The following ADAM10 variants were observed in gnomAD, a reference collection of about 807,000 sequenced individuals.
The protein encoded by ADAM10 is ADAM metallopeptidase domain 10.
In ADAM10, 17 loss-of-function variants were observed where a neutral mutation model predicts 90.1. That is an observed-to-expected ratio of 0.19 (90% confidence interval 0.13 to 0.28). The LOEUF (loss-of-function observed/expected upper bound fraction) is 0.28, where lower values mean the gene tolerates loss of function less well. Among genes scored for constraint, ADAM10 ranks in the 10% least tolerant of loss-of-function variants. ADAM10 has a pLI of 1.00. For synonymous variants in ADAM10, 310 were observed against 298.6 expected (o/e 1.04, Z -0.40); for missense variants, 610 against 914.3 (o/e 0.67, Z 4.29).
At chr15:58,714,127 T>G (rs528436647) in intron 2 of ADAM10, among the ~76,000 whole-genome samples, 3 of 152,118 alleles carry the variant, frequency 2.0e-5, no homozygotes, top group Non-Finnish European at 4.4e-5. Flanking sequence ...GAATGGACTT[T>G]TGGTTTGGAA....
chr15:58,749,058 G>T, intron 1 of ADAM10: 1 of 398,972 alleles, frequency 2.5e-6, no homozygotes, highest in Admixed American at 4.4e-5. Flanking sequence ...ATGGTGAGCA[G>T]GATGAGCGCT....
intron 14 of ADAM10, among the ~76,000 whole-genome samples, chr15:58,606,207 C>T (rs1386104354): frequency 6.6e-6 from 1 of 152,156 alleles, no homozygotes; most frequent in Non-Finnish European, 1.5e-5. Context: ...AGAAAGTTTC[C>T]TTTCAATTTT....
intron 8 of ADAM10, among the ~76,000 whole-genome samples, chr15:58,637,546 A>T (rs1346038543): frequency 6.6e-6 from 1 of 152,200 alleles, no homozygotes; most frequent in Non-Finnish European, 1.5e-5. Context: ...AAATTATATC[A>T]AAATATTATA....
chr15:58,655,718 T>TC (rs1465707793), intron 5 of ADAM10, among the ~76,000 whole-genome samples: 15,412 of 72,006 alleles, frequency 0.21, 2,463 homozygotes, highest in East Asian at 0.68. Context: ...ATAGTATATA[T>TC]ATATATATAT....
At chr15:58,740,877 T>C (rs1279407587) in intron 1 of ADAM10, among the ~76,000 whole-genome samples, 2 of 152,242 alleles carry the variant, frequency 1.3e-5, no homozygotes, top group African/African-American at 4.8e-5. Context: ...AATGATGTTC[T>C]AATATTCCAA....
At position 58,591,033 on chromosome 15, in the gene ADAM10, T is replaced by C. The variant is rs1894813417; in HGVS notation, c.*6514A>G. ...TTATTGTAGTGAGCTACTTAACATT[T>C]ACTCCAACGTGGGACACACAGGCTT... On this transcript the variant is annotated 3_prime_UTR_variant, in exon 16 of 16. Coordinates refer to ENST00000260408, the MANE Select transcript of ADAM10 (RefSeq NM_001110.4). The C allele has an allele frequency of 6.6e-6, 1 of 152,238 alleles. No homozygotes were observed. Among genetic ancestry groups the C allele is most frequent in the Non-Finnish European group, 1.5e-5 (1 of 68,032 alleles). The allele number at this position is 152,238 out of a possible 1,614,324, so 9.4% of individuals were successfully genotyped here.
chr15:58,685,015 A>G (rs1897548672), intron 2 of ADAM10, among the ~76,000 whole-genome samples: 1 of 152,190 alleles, frequency 6.6e-6, no homozygotes, highest in East Asian at 1.9e-4. Flanking sequence ...ATAGTACATG[A>G]TTAGTAACAA....
intron 6 of ADAM10, among the ~76,000 whole-genome samples, chr15:58,645,583 T>A (rs1177991549): frequency 6.6e-6 from 1 of 152,168 alleles, no homozygotes; most frequent in East Asian, 1.9e-4. Context: ...AGTTCATTCA[T>A]CAAATTCTCA....
intron 5 of ADAM10, among the ~76,000 whole-genome samples, chr15:58,653,159 C>G (rs1441503044): frequency 1.3e-5 from 2 of 152,158 alleles, no homozygotes; most frequent in African/African-American, 4.8e-5. Flanking sequence ...ATATCATCTG[C>G]AAACAAGGAT....
At chr15:58,736,168 T>G (rs1293426373) in intron 1 of ADAM10, among the ~76,000 whole-genome samples, 1 of 152,192 alleles carries the variant, frequency 6.6e-6, no homozygotes, top group African/African-American at 2.4e-5. Flanking sequence ...GAGGCCATAA[T>G]GATGCAGTAA....
chr15:58,740,186 G>A (rs1473746257), intron 1 of ADAM10, among the ~76,000 whole-genome samples: 1 of 152,154 alleles, frequency 6.6e-6, no homozygotes, highest in Non-Finnish European at 1.5e-5. Context: ...GCTGAAGGAG[G>A]ATCACTTGAG....
rs1894871044 is a variant in ADAM10, at chr15:58,593,286, TCTC to T, written c.*4258_*4260del. 6.8e-6 allele frequency: 1 copy of T among 147,388 alleles called. No homozygotes were observed. The highest frequency in any genetic ancestry group is 2.1e-4 in the East Asian group (1 of 4,840). The allele number at this position is 147,388 out of a possible 1,614,324, so 9.1% of individuals were successfully genotyped here. A position where few individuals can be genotyped will look rare whatever the true frequency, so the allele number is the denominator to read the frequency against. On this transcript the variant is annotated 3_prime_UTR_variant, in exon 16 of 16. Transcript: ENST00000260408. Reference sequence around the variant, plus strand: ...CCTCTGCCTCCTGGGTTCAAGCAAATCTCCTGCCTCTGCCTCCCGGGTTCAAGC... The same window carrying T: ...CCTCTGCCTCCTGGGTTCAAGCAAATCTGCCTCTGCCTCCCGGGTTCAAGC...
At chr15:58,729,720 T>A (rs138423413) in intron 1 of ADAM10, among the ~76,000 whole-genome samples, 54 of 152,066 alleles carry the variant, frequency 3.6e-4, no homozygotes, top group Non-Finnish European at 1.5e-4. Flanking sequence ...TCCCAGCACT[T>A]TGGGAGGCCA....
intron 4 of ADAM10, among the ~76,000 whole-genome samples, chr15:58,677,927 A>T (rs1196369921): frequency 6.6e-6 from 1 of 152,178 alleles, no homozygotes; most frequent in Non-Finnish European, 1.5e-5. Flanking sequence ...AAAAAGGTTA[A>T]ATTACTAAGA....
At chr15:58,602,732 A>C (rs1895147747) in intron 14 of ADAM10, among the ~76,000 whole-genome samples, 1 of 152,194 alleles carries the variant, frequency 6.6e-6, no homozygotes, top group Non-Finnish European at 1.5e-5. Flanking sequence ...TTAGATCTCT[A>C]TACAGAAGAG....
In ADAM10 at chr15:58,705,900, T is replaced by A. The variant is rs1898272726; in HGVS notation, c.206+11677A>T. On this transcript the variant is annotated intron_variant, in intron 2 of 15. Coordinates refer to ENST00000260408, the MANE Select transcript of ADAM10 (RefSeq NM_001110.4). ...ATTGTTCTCTTTTGTTATTTGTTAT[T>A]GTTGTTAATCCCTTACTGTACCTAA... is the stretch of plus-strand genomic sequence containing the variant. Among the ~76,000 whole-genome samples the A allele has an allele frequency of 4.0e-5, 6 of 151,804 alleles. No homozygotes were observed. The South Asian group carries it at 1.2e-3, about 31-fold the overall frequency.
At chr15:58,691,876 A>T (rs753732555) in intron 2 of ADAM10, among the ~76,000 whole-genome samples, 6 of 151,780 alleles carry the variant, frequency 4.0e-5, no homozygotes, top group Non-Finnish European at 8.8e-5. Flanking sequence ...GGCTTTCACC[A>T]TGTTGACCAG....
chr15:58,622,188 T>C (rs1182113158), intron 10 of ADAM10, among the ~76,000 whole-genome samples: 2 of 152,190 alleles, frequency 1.3e-5, no homozygotes, highest in African/African-American at 4.8e-5. Context: ...TGTAAATACT[T>C]CAGAATGTAT....
chr15:58,646,299 G>A, intron 5 of ADAM10, 95 bp from the exon 6 acceptor site: 1 of 1,261,410 alleles, frequency 7.9e-7, no homozygotes, highest in Non-Finnish European at 1.1e-6. Context: ...TTCATATTCT[G>A]CTTTATATAA....
Sources: gnomAD v4.1 joint callset for allele counts (sites outside exome capture counted in the v4.1 genomes callset) on GRCh38, gnomAD v4.1.1 for gene constraint, MANE v1.5 for transcripts, NCBI Gene and HGNC (gene_info 2026-07-23, HGNC 2026-07-21) for gene names.